Variants in KCTD8 observed in about 807,000 individuals in gnomAD.
KCTD8 encodes the protein potassium channel tetramerization domain containing 8, also known as BTB/POZ domain-containing protein KCTD8.
Under a neutral mutation model 31.5 loss-of-function variants are expected in KCTD8, and 27 were observed. The observed-to-expected ratio is 0.86, with a 90% CI of 0.63 to 1.18. KCTD8 has a LOEUF of 1.18. Ranked by LOEUF, KCTD8 falls within the 50% of genes most tolerant of loss-of-function variation. The probability of loss-of-function intolerance (pLI) is 0.00; values close to 1 mark genes in which losing one functional copy is unlikely to be tolerated. For synonymous variants in KCTD8, 290 were observed against 280.0 expected, an observed-to-expected ratio of 1.04 and a Z score of -0.36; for missense variants, 658 against 647.7, an observed-to-expected ratio of 1.02 and a Z score of -0.17.
At chr4:44,285,706 G>T (rs573259173) in intron 1 of KCTD8, among the ~76,000 whole-genome samples, 1 of 152,048 alleles carries the variant, frequency 6.6e-6, no homozygotes, top group Non-Finnish European at 1.5e-5. Flanking sequence ...TTGTTTTCCC[G>T]CCTGCTAACA....
At chr4:44,424,158 C>A (rs865959877) in intron 1 of KCTD8, among the ~76,000 whole-genome samples, 1 of 151,988 alleles carries the variant, frequency 6.6e-6, no homozygotes, top group Non-Finnish European at 1.5e-5. Flanking sequence ...AACGGGGTGA[C>A]AATGTTTACC....
At chr4:44,245,437 T>C (rs1027422208) in intron 1 of KCTD8, among the ~76,000 whole-genome samples, 2 of 152,254 alleles carry the variant, frequency 1.3e-5, no homozygotes, top group African/African-American at 4.8e-5. Flanking sequence ...TCTACTCTTA[T>C]ATTTAGCTAG....
chr4:44,307,369 T>G (rs576346728), intron 1 of KCTD8, among the ~76,000 whole-genome samples: 2 of 152,128 alleles, frequency 1.3e-5, no homozygotes, highest in East Asian at 1.9e-4. Flanking sequence ...CTATATCTGT[T>G]GCCTAAAACT....
intron 1 of KCTD8, among the ~76,000 whole-genome samples, chr4:44,232,480 T>A (rs1715150716): frequency 6.6e-6 from 1 of 152,162 alleles, no homozygotes; most frequent in Non-Finnish European, 1.5e-5. Context: ...GGAGCCTAAC[T>A]AATAGGGCTA....
intron 1 of KCTD8, among the ~76,000 whole-genome samples, chr4:44,412,725 T>C (rs568554770): frequency 8.5e-5 from 13 of 152,082 alleles, no homozygotes; most frequent in South Asian, 2.1e-4. Context: ...CTGGACACAA[T>C]AGCCTGCAAA....
chr4:44,402,526 C>T (rs1421304015), intron 1 of KCTD8, among the ~76,000 whole-genome samples: 6 of 152,132 alleles, frequency 3.9e-5, no homozygotes, highest in Non-Finnish European at 5.9e-5. Flanking sequence ...TAAACCACTA[C>T]GTGAATTTAG....
chr4:44,314,377 T>A (rs568026035), intron 1 of KCTD8, among the ~76,000 whole-genome samples: 1 of 152,250 alleles, frequency 6.6e-6, no homozygotes, highest in Non-Finnish European at 1.5e-5. Flanking sequence ...TGTTGATGAT[T>A]TAGATTTGTA....
chr4:44,351,434 TAGA>T, intron 1 of KCTD8, among the ~76,000 whole-genome samples: 1 of 152,130 alleles, frequency 6.6e-6, no homozygotes, highest in Non-Finnish European at 1.5e-5. Flanking sequence ...GAAACCAAAT[TAGA>T]TTTCCATATC....
At chr4:44,277,049 T>A (rs6830406) in intron 1 of KCTD8, among the ~76,000 whole-genome samples, 32,796 of 151,782 alleles carry the variant, frequency 0.22, 3,623 homozygotes, top group East Asian at 0.29. Context: ...ATTGGATTAT[T>A]CTGAAAATTA....
In KCTD8 at chr4:44,299,488, T is replaced by C. The variant is rs1183935905; in HGVS notation, c.962-124238A>G. Among the ~76,000 whole-genome samples the C allele has an allele frequency of 2.0e-5, 3 of 152,114 alleles. No individual in the cohort carries two copies. The South Asian group carries it at 6.2e-4, about 32-fold the overall frequency. ...GCTCACGCCTGTAATCCCAGCACTT[T>C]GGGAGGCCAAGGCAGGCGGATCACA... On this transcript the variant is annotated intron_variant, in intron 1 of 1. Coordinates refer to ENST00000360029, the MANE Select transcript of KCTD8 (RefSeq NM_198353.3).
chr4:44,433,677 C>T (rs1435844068), intron 1 of KCTD8, among the ~76,000 whole-genome samples: 1 of 151,586 alleles, frequency 6.6e-6, no homozygotes, highest in Non-Finnish European at 1.5e-5. Flanking sequence ...ATTTGGCCAG[C>T]CAGTTGACAT....
intron 1 of KCTD8, among the ~76,000 whole-genome samples, chr4:44,196,147 G>A (rs1359734856): frequency 1.3e-5 from 2 of 152,088 alleles, no homozygotes; most frequent in African/African-American, 2.4e-5. Flanking sequence ...TCTAAGAAAC[G>A]CAAATGACAA....
At chr4:44,432,126 T>A (rs1721521204) in intron 1 of KCTD8, among the ~76,000 whole-genome samples, 1 of 151,408 alleles carries the variant, frequency 6.6e-6, no homozygotes, top group African/African-American at 2.4e-5. Context: ...ATATCTACAA[T>A]CTACTATATA....
intron 1 of KCTD8, among the ~76,000 whole-genome samples, chr4:44,181,887 C>T (rs1713421691): frequency 6.6e-6 from 1 of 151,484 alleles, no homozygotes; most frequent in Admixed American, 6.6e-5. Flanking sequence ...TGAGGAGCCC[C>T]TCCGCCTGGC....
intron 1 of KCTD8, among the ~76,000 whole-genome samples, chr4:44,287,812 C>G (rs909382725): frequency 6.6e-6 from 1 of 152,110 alleles, no homozygotes; most frequent in Non-Finnish European, 1.5e-5. Flanking sequence ...GCAGCCACTA[C>G]AAATCAATAG....
At chr4:44,412,934 C>T (rs1720995832) in intron 1 of KCTD8, among the ~76,000 whole-genome samples, 1 of 152,076 alleles carries the variant, frequency 6.6e-6, no homozygotes, top group Non-Finnish European at 1.5e-5. Context: ...TTCTCTGAGC[C>T]CTTCCTCACC....
rs145129918 is a variant in KCTD8 at position 44,310,658 on chromosome 4, C to T, written c.962-135408G>A. Among the ~76,000 whole-genome samples, 33 of 152,100 alleles carry T rather than the reference C, an allele frequency of 2.2e-4. No individual in the cohort carries two copies. In the East Asian group the frequency reaches 5.0e-3, roughly 23 times the overall value. ...CACTACAAGAACCAATGATCAGATT[C>T]GTGAGTAAACCAGAGGAATAAAACA... On this transcript the variant is annotated intron_variant, in intron 1 of 1. Coordinates refer to ENST00000360029, the MANE Select transcript of KCTD8 (RefSeq NM_198353.3).
At chr4:44,327,548 A>G (rs1718481290) in intron 1 of KCTD8, among the ~76,000 whole-genome samples, 1 of 151,846 alleles carries the variant, frequency 6.6e-6, no homozygotes, top group African/African-American at 2.4e-5. Context: ...GGTATATTGA[A>G]ATAATCAAGG....
intron 1 of KCTD8, among the ~76,000 whole-genome samples, chr4:44,326,801 A>T (rs1718453361): frequency 6.6e-6 from 1 of 151,840 alleles, no homozygotes; most frequent in South Asian, 2.1e-4. Flanking sequence ...AAACATTTGA[A>T]GGCAAATCGT....
Sources: gnomAD v4.1 joint callset for allele counts (sites outside exome capture counted in the v4.1 genomes callset) on GRCh38, gnomAD v4.1.1 for gene constraint, MANE v1.5 for transcripts, NCBI Gene and HGNC (gene_info 2026-07-23, HGNC 2026-07-21) for gene names.